The following UNC13C variants were observed in gnomAD, a reference collection of about 807,000 sequenced individuals.
The protein encoded by UNC13C is unc-13 homolog C, also known as protein unc-13 homolog C.
A neutral mutation model predicts 245.4 loss-of-function variants in UNC13C; 174 were observed. That is an observed-to-expected ratio of 0.71 (90% confidence interval 0.63 to 0.80). UNC13C has a LOEUF of 0.80. UNC13C is among the 30% of genes least tolerant of loss of function. UNC13C has a pLI of 0.00. For synonymous variants in UNC13C, 992 were observed against 895.1 expected, an observed-to-expected ratio of 1.11 and a Z score of -1.93; for missense variants, 2,829 against 2,602.9, an observed-to-expected ratio of 1.09 and a Z score of -1.89.
intron 30 of UNC13C, among the ~76,000 whole-genome samples, chr15:54,612,153 C>T (rs1900136835): frequency 6.6e-6 from 1 of 151,920 alleles, no homozygotes; most frequent in Non-Finnish European, 1.5e-5. Context: ...AGTTGCTTTC[C>T]ACCTGGAATC....
chr15:54,321,326 T>C (rs3907904), intron 13 of UNC13C: 365,044 of 463,350 alleles, frequency 0.79, 145,605 homozygotes, highest in Non-Finnish European at 0.84. Context: ...TTGGGTGATG[T>C]CCTTCAATGT....
intron 2 of UNC13C, among the ~76,000 whole-genome samples, chr15:54,060,756 G>T (rs1897783357): frequency 6.6e-6 from 1 of 152,080 alleles, no homozygotes; most frequent in South Asian, 2.1e-4. Flanking sequence ...AAGAAAATGT[G>T]GCACATATAC....
intron 4 of UNC13C, among the ~76,000 whole-genome samples, chr15:54,199,897 T>C (rs540777995): frequency 6.6e-6 from 1 of 152,202 alleles, no homozygotes; most frequent in East Asian, 1.9e-4. Flanking sequence ...AGATACAGAA[T>C]GGCTGAATAG....
At chr15:54,166,414 A>G (rs1305523991) in intron 4 of UNC13C, among the ~76,000 whole-genome samples, 1 of 152,014 alleles carries the variant, frequency 6.6e-6, no homozygotes, top group Admixed American at 6.6e-5. Context: ...TATTATGTAC[A>G]AAATTATATA....
intron 14 of UNC13C, among the ~76,000 whole-genome samples, chr15:54,322,740 C>A (rs748507180): frequency 3.3e-5 from 5 of 151,862 alleles, no homozygotes; most frequent in Non-Finnish European, 4.4e-5. Flanking sequence ...CTGAAATTGG[C>A]AAGACTGGAA....
At chr15:54,429,817 G>A (rs2040835503) in intron 19 of UNC13C, among the ~76,000 whole-genome samples, 1 of 151,636 alleles carries the variant, frequency 6.6e-6, no homozygotes, top group Non-Finnish European at 1.5e-5. Context: ...GGAGAACTAT[G>A]TCAATCACTC....
Position 53,978,502 on chromosome 15 carries a change from C to T in UNC13C, c.-682C>T, listed in dbSNP as rs775937179. Among the ~76,000 whole-genome samples the T allele has an allele frequency of 1.3e-5, 2 of 152,178 alleles. No individual in the cohort carries two copies. Among genetic ancestry groups the T allele is most frequent in the Non-Finnish European group, 2.9e-5 (2 of 68,042 alleles). On this transcript the variant is annotated 5_prime_UTR_variant, in exon 1 of 33. Transcript: ENST00000260323. The stretch of plus-strand genomic sequence containing the variant: ...TCCCAGCACGCACTCAGCCCGGCTG[C>T]TCCTCACCCTCAAATGTTGATGAGC...
At chr15:54,055,983 T>C (rs1280325351) in intron 2 of UNC13C, among the ~76,000 whole-genome samples, 2 of 152,152 alleles carry the variant, frequency 1.3e-5, no homozygotes, top group African/African-American at 4.8e-5. Flanking sequence ...TCTGTGCTTC[T>C]CCGCATGATT....
chr15:54,235,599 A>G (rs2035672934), intron 5 of UNC13C, among the ~76,000 whole-genome samples: 1 of 152,134 alleles, frequency 6.6e-6, no homozygotes, highest in African/African-American at 2.4e-5. Flanking sequence ...AAAGAAAATC[A>G]TGGTTCACTT....
At chr15:54,587,439 AACTC>A (rs1898552045) in intron 30 of UNC13C, among the ~76,000 whole-genome samples, 1 of 152,230 alleles carries the variant, frequency 6.6e-6, no homozygotes, top group South Asian at 2.1e-4. Flanking sequence ...CATATAATAG[AACTC>A]ACTCAAAATA....
chr15:54,038,140 T>TTTTTTTTTTTTTTC (rs1555406257), intron 2 of UNC13C, among the ~76,000 whole-genome samples: 5 of 127,582 alleles, frequency 3.9e-5, no homozygotes, highest in African/African-American at 1.3e-4. Flanking sequence ...TTTTTTTTTT[T>TTTTTTTTTTTTTTC]CCTGAGACAG....
At chr15:54,248,378 T>G (rs1269996510) in intron 7 of UNC13C, among the ~76,000 whole-genome samples, 2 of 152,008 alleles carry the variant, frequency 1.3e-5, no homozygotes, top group African/African-American at 2.4e-5. Context: ...TGTCTGTGGG[T>G]AGCTAATGAA....
At chr15:54,324,098 G>T (rs2038233679) in intron 14 of UNC13C, among the ~76,000 whole-genome samples, 2 of 152,004 alleles carry the variant, frequency 1.3e-5, no homozygotes, top group Admixed American at 6.6e-5. Context: ...AAAAGAAAGA[G>T]AAATGTTTCT....
At chr15:54,107,156 C>A (rs1364478372) in intron 2 of UNC13C, among the ~76,000 whole-genome samples, 1 of 152,070 alleles carries the variant, frequency 6.6e-6, no homozygotes, top group Non-Finnish European at 1.5e-5. Context: ...ATATTTTTGA[C>A]TGTTTTATTT....
chr15:53,926,005 T>C, the UNC13C span, among the ~76,000 whole-genome samples: 2 of 152,198 alleles, frequency 1.3e-5, no homozygotes, highest in African/African-American at 4.8e-5. Context: ...AACATATTTT[T>C]AAAAGACACC....
chr15:54,329,444 C>G (rs1368655221), intron 14 of UNC13C, among the ~76,000 whole-genome samples: 3 of 151,896 alleles, frequency 2.0e-5, no homozygotes, highest in Admixed American at 2.0e-4. Context: ...GATTTGCCCC[C>G]TGCTAGACAT....
At position 54,578,949 on chromosome 15, in the gene UNC13C, A is replaced by C. The variant is rs916816387; in HGVS notation, c.6106+11002A>C. Among the ~76,000 whole-genome samples, 8 of 152,224 alleles carry C rather than the reference A, an allele frequency of 5.3e-5. No homozygotes were observed. In the East Asian group the frequency reaches 1.3e-3, roughly 26 times the overall value. ...ACCCAAGAGCAATGGATGTCACTGA[A>C]GTGATTTAAGCAAGAGTGCAACATG... On this transcript the variant is annotated intron_variant, in intron 30 of 32. Transcript: ENST00000260323.
At chr15:54,010,195 C>G (rs543740989) in intron 1 of UNC13C, among the ~76,000 whole-genome samples, 16 of 152,218 alleles carry the variant, frequency 1.1e-4, no homozygotes, top group African/African-American at 3.9e-4. Flanking sequence ...ACATGATCAC[C>G]TATCTGACAA....
At chr15:54,038,038 T>C (rs1338782437) in intron 2 of UNC13C, among the ~76,000 whole-genome samples, 1 of 146,704 alleles carries the variant, frequency 6.8e-6, no homozygotes, top group Non-Finnish European at 1.5e-5. Flanking sequence ...ACCTTAAAAA[T>C]AGATTCTCTT....
Sources: allele counts gnomAD v4.1 joint callset (sites outside exome capture counted in the v4.1 genomes callset), GRCh38; gene constraint gnomAD v4.1.1; transcripts MANE v1.5; gene names NCBI Gene and HGNC (gene_info 2026-07-23, HGNC 2026-07-21).